SYNPR: variants seen among roughly 807,000 people sequenced by gnomAD.
The protein encoded by SYNPR is synaptoporin.
Under a neutral mutation model 32.9 loss-of-function variants are expected in SYNPR, and 23 were observed. That is an observed-to-expected ratio of 0.70 (90% CI 0.50 to 0.99). The LOEUF is 0.99. SYNPR is among the 50% of genes least tolerant of loss of function. SYNPR has a pLI of 0.00. For missense variants in SYNPR, 318 were observed against 349.3 expected (o/e 0.91, Z 0.71); for synonymous variants, 146 against 135.9 (o/e 1.07, Z -0.52).
chr3:63,315,278 G>C (rs948632629), intron 2 of SYNPR, among the ~76,000 whole-genome samples: 1 of 151,848 alleles, frequency 6.6e-6, no homozygotes, highest in African/African-American at 2.4e-5. Flanking sequence ...GAAGAATGAT[G>C]GTGGTATTTT....
chr3:63,537,345 T>A (rs1391485993), intron 3 of SYNPR, among the ~76,000 whole-genome samples: 1 of 151,778 alleles, frequency 6.6e-6, no homozygotes, highest in Non-Finnish European at 1.5e-5. Flanking sequence ...TCTTCCTTCA[T>A]GAGTTGGCTC....
At chr3:63,313,229 T>C (rs546664977) in intron 2 of SYNPR, among the ~76,000 whole-genome samples, 3 of 151,900 alleles carry the variant, frequency 2.0e-5, no homozygotes, top group Admixed American at 6.6e-5. Context: ...TTTATTATTG[T>C]ATTATTTTTT....
intron 5 of SYNPR, among the ~76,000 whole-genome samples, chr3:63,612,090 G>A (rs59256246): frequency 0.087 from 13,309 of 152,248 alleles, 827 homozygotes; most frequent in East Asian, 0.19. Context: ...ACACTAAAAT[G>A]TAGGTAAGAT....
intron 3 of SYNPR, among the ~76,000 whole-genome samples, chr3:63,497,421 T>C (rs1701392667): frequency 1.3e-5 from 2 of 152,196 alleles, no homozygotes; most frequent in Non-Finnish European, 2.9e-5. Flanking sequence ...TATTTATCTC[T>C]AGATTTAGTT....
intron 2 of SYNPR, among the ~76,000 whole-genome samples, chr3:63,289,655 C>A (rs555311140): frequency 5.9e-5 from 9 of 152,260 alleles, no homozygotes; most frequent in African/African-American, 2.2e-4. Flanking sequence ...GGCCCCACCT[C>A]CTAAATTACG....
At chr3:63,326,605 T>G (rs1337801368) in intron 2 of SYNPR, among the ~76,000 whole-genome samples, 1 of 152,102 alleles carries the variant, frequency 6.6e-6, no homozygotes, top group Non-Finnish European at 1.5e-5. Context: ...TCACTGAGTG[T>G]CCAGTCTTAT....
At chr3:63,457,715 C>T (rs1220220989) in intron 2 of SYNPR, among the ~76,000 whole-genome samples, 1 of 151,976 alleles carries the variant, frequency 6.6e-6, no homozygotes, top group Non-Finnish European at 1.5e-5. Context: ...GAGAAGGTCA[C>T]CTGAAAAATT....
intron 1 of SYNPR, among the ~76,000 whole-genome samples, chr3:63,235,061 C>T (rs2086191204): frequency 1.3e-5 from 2 of 152,148 alleles, no homozygotes; most frequent in Non-Finnish European, 2.9e-5. Flanking sequence ...TCAAGATTTT[C>T]CCTGTTTTTA....
chr3:63,437,805 C>G (rs543737622), intron 2 of SYNPR, among the ~76,000 whole-genome samples: 1 of 152,060 alleles, frequency 6.6e-6, no homozygotes, highest in South Asian at 2.1e-4. Flanking sequence ...GAATAAATAC[C>G]CTGACCTCAG....
chr3:63,597,591 C>G (rs1699980075), intron 4 of SYNPR, among the ~76,000 whole-genome samples: 1 of 152,104 alleles, frequency 6.6e-6, no homozygotes, highest in Non-Finnish European at 1.5e-5. Flanking sequence ...ATTGCTCGTT[C>G]CCACCAGGAT....
intron 3 of SYNPR, among the ~76,000 whole-genome samples, chr3:63,528,920 G>A (rs1011262120): frequency 6.6e-6 from 1 of 152,134 alleles, no homozygotes; most frequent in Non-Finnish European, 1.5e-5. Context: ...TGAGAAATAA[G>A]TGATCCATAG....
intron 4 of SYNPR, among the ~76,000 whole-genome samples, chr3:63,593,468 AAGAG>A (rs1293624058): frequency 2.0e-5 from 3 of 152,280 alleles, no homozygotes; most frequent in Non-Finnish European, 4.4e-5. Flanking sequence ...AACTGAAATA[AAGAG>A]AGAGATGCAG....
intron 4 of SYNPR, among the ~76,000 whole-genome samples, chr3:63,588,001 G>T (rs9847530): frequency 0.022 from 3,272 of 152,080 alleles, 108 homozygotes; most frequent in African/African-American, 0.065. Flanking sequence ...TACTGGTGGG[G>T]TAAGTTCAAC....
the SYNPR span, among the ~76,000 whole-genome samples, chr3:63,206,991 G>C: frequency 1.3e-5 from 2 of 152,186 alleles, no homozygotes; most frequent in Non-Finnish European, 2.9e-5. Flanking sequence ...GAATGAAGTT[G>C]ACGTGCATGC....
intron 1 of SYNPR, among the ~76,000 whole-genome samples, chr3:63,241,737 C>T (rs1163564752): frequency 6.6e-6 from 1 of 152,052 alleles, no homozygotes; most frequent in Non-Finnish European, 1.5e-5. Flanking sequence ...TTAACCAATC[C>T]TGAAATGATC....
chr3:63,354,269 C>G (rs1340145120), intron 2 of SYNPR, among the ~76,000 whole-genome samples: 1 of 152,204 alleles, frequency 6.6e-6, no homozygotes, highest in African/African-American at 2.4e-5. Flanking sequence ...CTTTGCTGGG[C>G]TGGCTCTGTA....
At chr3:63,246,998 G>A (rs865954412) in intron 1 of SYNPR, among the ~76,000 whole-genome samples, 1 of 151,904 alleles carries the variant, frequency 6.6e-6, no homozygotes, top group East Asian at 1.9e-4. Flanking sequence ...GATCTGTGCA[G>A]CAAATCACCA....
the SYNPR span, among the ~76,000 whole-genome samples, chr3:63,202,712 AC>A: frequency 1.3e-5 from 2 of 152,198 alleles, no homozygotes; most frequent in African/African-American, 4.8e-5. Context: ...ATAATCAAAC[AC>A]ATTTGAGCAT....
the SYNPR span, among the ~76,000 whole-genome samples, chr3:63,217,902 C>T: frequency 6.6e-6 from 1 of 152,186 alleles, no homozygotes; most frequent in Non-Finnish European, 1.5e-5. Context: ...AATCCATGCT[C>T]TCCAGTATCC....
Sources: allele counts gnomAD v4.1 joint callset (sites outside exome capture counted in the v4.1 genomes callset), GRCh38; gene constraint gnomAD v4.1.1; transcripts MANE v1.5; gene names NCBI Gene and HGNC (gene_info 2026-07-23, HGNC 2026-07-21).